The following FHIT variants were observed in gnomAD, a reference collection of about 807,000 sequenced individuals.
FHIT encodes the protein fragile histidine triad diadenosine triphosphatase, also known as bis(5'-adenosyl)-triphosphatase.
A neutral mutation model predicts 17.9 loss-of-function variants in FHIT; 19 were observed. The ratio of observed to expected loss-of-function variants is 1.06; its 90% CI spans 0.74 to 1.56. The LOEUF (loss-of-function observed/expected upper bound fraction) is 1.56. Ranked by LOEUF, FHIT falls within the 40% of genes most tolerant of loss-of-function variation. The probability of loss-of-function intolerance (pLI) is 0.00; values close to 1 mark genes in which losing one functional copy is unlikely to be tolerated. For synonymous variants in FHIT, 81 were observed against 69.7 expected, an observed-to-expected ratio of 1.16 and a Z score of -0.81; for missense variants, 248 against 189.2, an observed-to-expected ratio of 1.31 and a Z score of -1.82.
chr3:61,153,618 T>C (rs773266775), intron 2 of FHIT, among the ~76,000 whole-genome samples: 1 of 152,118 alleles, frequency 6.6e-6, no homozygotes, highest in South Asian at 2.1e-4. Flanking sequence ...GAAAGTAAAA[T>C]CAAAAATCCT....
intron 2 of FHIT, among the ~76,000 whole-genome samples, chr3:61,119,345 G>A (rs755629171): frequency 2.0e-5 from 3 of 152,054 alleles, no homozygotes; most frequent in Non-Finnish European, 4.4e-5. Flanking sequence ...AGCCTCCTGA[G>A]CAGCTGGGAT....
intron 7 of FHIT, among the ~76,000 whole-genome samples, chr3:59,958,926 A>G (rs1707536503): frequency 1.3e-5 from 2 of 152,192 alleles, no homozygotes; most frequent in Admixed American, 6.5e-5. Flanking sequence ...TGTCATTACA[A>G]TCATGTGTCG....
chr3:61,149,216 T>C (rs890865649), intron 2 of FHIT, among the ~76,000 whole-genome samples: 16 of 152,202 alleles, frequency 1.1e-4, no homozygotes, highest in East Asian at 3.9e-4. Context: ...GAGTAATAGA[T>C]GGTATTTCCA....
At chr3:60,112,113 T>G (rs540191607) in intron 5 of FHIT, among the ~76,000 whole-genome samples, 25 of 152,228 alleles carry the variant, frequency 1.6e-4, no homozygotes, top group Non-Finnish European at 3.1e-4. Context: ...AATGTGTCAG[T>G]TGGGTTCAAG....
intron 8 of FHIT, among the ~76,000 whole-genome samples, chr3:59,822,525 T>G (rs2106664318): frequency 6.6e-6 from 1 of 152,322 alleles, no homozygotes; most frequent in Admixed American, 6.5e-5. Context: ...TATTGTGGTT[T>G]TGATTTGCAT....
intron 5 of FHIT, among the ~76,000 whole-genome samples, chr3:60,146,033 A>T (rs186066012): frequency 6.6e-6 from 1 of 151,106 alleles, no homozygotes; most frequent in Non-Finnish European, 1.5e-5. Context: ...CATATTTTCT[A>T]ATCTACACCA....
At chr3:60,655,833 A>G (rs2040101923) in intron 4 of FHIT, among the ~76,000 whole-genome samples, 1 of 152,170 alleles carries the variant, frequency 6.6e-6, no homozygotes, top group Admixed American at 6.5e-5. Flanking sequence ...GTATATTTGG[A>G]TGCACAGCTA....
chr3:60,926,333 T>G (rs1467619707), intron 3 of FHIT, among the ~76,000 whole-genome samples: 2 of 152,048 alleles, frequency 1.3e-5, no homozygotes, highest in South Asian at 2.1e-4. Flanking sequence ...AAATGTAAAA[T>G]AACAGAAATT....
At chr3:60,679,154 C>T (rs1216780495) in intron 4 of FHIT, among the ~76,000 whole-genome samples, 1 of 152,042 alleles carries the variant, frequency 6.6e-6, no homozygotes. Flanking sequence ...TTCTTGCAGA[C>T]CCTTTAAATG....
chr3:59,875,782 G>A (rs1401734207), intron 8 of FHIT, among the ~76,000 whole-genome samples: 1 of 151,748 alleles, frequency 6.6e-6, no homozygotes, highest in Non-Finnish European at 1.5e-5. Context: ...TTCTATTATG[G>A]AAAGAGGGAG....
intron 3 of FHIT, among the ~76,000 whole-genome samples, chr3:60,971,527 T>C (rs990919795): frequency 6.6e-6 from 1 of 152,000 alleles, no homozygotes; most frequent in Non-Finnish European, 1.5e-5. Context: ...TCAATCTTTT[T>C]TTTTTTGCCC....
In FHIT at chr3:60,237,400, G is replaced by A. The variant is rs531526730; in HGVS notation, c.104-223248C>T. On this transcript the variant is annotated intron_variant, in intron 5 of 9. Coordinates refer to ENST00000492590, the MANE Select transcript of FHIT (RefSeq NM_002012.4). ...CAGGTTCAAGTGAAATATACCAAGT[G>A]ACTGCTAACAGCCTCCTACCTAACT... 4.6e-5 allele frequency among the ~76,000 whole-genome samples: 7 copies of A among 151,628 alleles called. No individual in the cohort carries two copies. In the South Asian group the frequency reaches 1.5e-3, roughly 32 times the overall value.
intron 5 of FHIT, among the ~76,000 whole-genome samples, chr3:60,270,546 A>G (rs1373073196): frequency 2.0e-5 from 3 of 152,226 alleles, no homozygotes; most frequent in Non-Finnish European, 2.9e-5. Context: ...CTTGGACTAT[A>G]AATTATCATA....
At chr3:60,450,054 C>A (rs2107364861) in intron 5 of FHIT, among the ~76,000 whole-genome samples, 1 of 147,254 alleles carries the variant, frequency 6.8e-6, no homozygotes, top group East Asian at 2.0e-4. Flanking sequence ...AAATGGTAGA[C>A]CTATATAGAG....
chr3:60,705,267 A>T (rs979169783), intron 4 of FHIT, among the ~76,000 whole-genome samples: 1 of 152,214 alleles, frequency 6.6e-6, no homozygotes, highest in Non-Finnish European at 1.5e-5. Context: ...AGACATAAAC[A>T]TAGAACTTCA....
At chr3:60,127,556 T>C (rs1191648603) in intron 5 of FHIT, among the ~76,000 whole-genome samples, 1 of 152,202 alleles carries the variant, frequency 6.6e-6, no homozygotes, top group Non-Finnish European at 1.5e-5. Flanking sequence ...CCAGAAATGA[T>C]ATACATCTTA....
At chr3:60,158,658 C>T (rs1041804576) in intron 5 of FHIT, among the ~76,000 whole-genome samples, 3 of 152,126 alleles carry the variant, frequency 2.0e-5, no homozygotes, top group Non-Finnish European at 4.4e-5. Flanking sequence ...CTGCACAACT[C>T]CTGAGATACC....
At chr3:60,450,301 T>C (rs1559924158) in intron 5 of FHIT, among the ~76,000 whole-genome samples, 2 of 151,962 alleles carry the variant, frequency 1.3e-5, no homozygotes, top group Non-Finnish European at 2.9e-5. Context: ...TCCATTATAA[T>C]CTTATGGGGC....
intron 5 of FHIT, among the ~76,000 whole-genome samples, chr3:60,164,372 C>T (rs907186091): frequency 6.6e-5 from 10 of 152,200 alleles, no homozygotes; most frequent in Non-Finnish European, 1.3e-4. Flanking sequence ...TGCCATGCAG[C>T]CATGGCACTG....
Sources: allele counts gnomAD v4.1 joint callset (sites outside exome capture counted in the v4.1 genomes callset), GRCh38; gene constraint gnomAD v4.1.1; transcripts MANE v1.5; gene names NCBI Gene and HGNC (gene_info 2026-07-23, HGNC 2026-07-21).